The following SH3PXD2A variants were observed in gnomAD, a reference collection of about 807,000 sequenced individuals.
SH3PXD2A encodes SH3 and PX domain-containing protein 2A.
In SH3PXD2A, 32 loss-of-function variants were observed where a neutral mutation model predicts 115.2. The ratio of observed to expected loss-of-function variants is 0.28; its 90% CI spans 0.21 to 0.37. The LOEUF is 0.37. Ranked by LOEUF, SH3PXD2A falls within the 10% of genes least tolerant of loss-of-function variation. The pLI is 1.00. For missense variants in SH3PXD2A, 1,328 were observed against 1,498.7 expected, an observed-to-expected ratio of 0.89 and a Z score of 1.88; for synonymous variants, 610 against 629.1, an observed-to-expected ratio of 0.97 and a Z score of 0.45.
chr10:103,818,113 G>A (rs931465968), intron 1 of SH3PXD2A, among the ~76,000 whole-genome samples: 3 of 152,152 alleles, frequency 2.0e-5, no homozygotes, highest in Non-Finnish European at 2.9e-5. Context: ...AAGTTAGAAG[G>A]GAGACAATGT....
intron 1 of SH3PXD2A, among the ~76,000 whole-genome samples, chr10:103,839,320 A>T (rs2039574619): frequency 6.6e-6 from 1 of 152,148 alleles, no homozygotes; most frequent in African/African-American, 2.4e-5. Context: ...AGGTCAGGAG[A>T]ACAGCAATTG....
At chr10:103,730,850 C>A (rs867077457) in intron 4 of SH3PXD2A, among the ~76,000 whole-genome samples, 27 of 152,184 alleles carry the variant, frequency 1.8e-4, no homozygotes, top group African/African-American at 6.0e-4. Flanking sequence ...TGCACAGAGT[C>A]GGGGTGGGCG....
chr10:103,709,839 C>T (rs1482252457), intron 5 of SH3PXD2A, among the ~76,000 whole-genome samples: 3 of 152,228 alleles, frequency 2.0e-5, no homozygotes, highest in Non-Finnish European at 2.9e-5. Flanking sequence ...GGCAAGGTGG[C>T]TCATGCCTAT....
intron 5 of SH3PXD2A, among the ~76,000 whole-genome samples, chr10:103,695,089 G>C (rs756730817): frequency 2.0e-5 from 3 of 152,182 alleles, no homozygotes; most frequent in Admixed American, 6.5e-5. Context: ...GAGGGCTACT[G>C]GGGAAGGGCA....
intron 13 of SH3PXD2A, among the ~76,000 whole-genome samples, chr10:103,608,430 GAAAA>G (rs953168200): frequency 7.0e-5 from 6 of 85,328 alleles, no homozygotes; most frequent in Admixed American, 3.7e-4. Context: ...TCCATGTCAA[GAAAA>G]AAAAAAAAAA....
At chr10:103,777,300 T>C (rs1430087623) in intron 2 of SH3PXD2A, among the ~76,000 whole-genome samples, 1 of 152,230 alleles carries the variant, frequency 6.6e-6, no homozygotes, top group African/African-American at 2.4e-5. Context: ...GGAAAGTGCT[T>C]AGGAAACTAC....
chr10:103,792,924 G>C (rs987044703), intron 2 of SH3PXD2A, among the ~76,000 whole-genome samples: 5 of 152,122 alleles, frequency 3.3e-5, no homozygotes, highest in Non-Finnish European at 7.3e-5. Flanking sequence ...TGATGGTCCA[G>C]GAAATATGAG....
At chr10:103,646,429 C>G (rs2037037284) in intron 8 of SH3PXD2A, among the ~76,000 whole-genome samples, 1 of 152,188 alleles carries the variant, frequency 6.6e-6, no homozygotes, top group Non-Finnish European at 1.5e-5. Flanking sequence ...GTTTCTCATT[C>G]TAGAGACTCG....
In SH3PXD2A at chr10:103,599,998, G is replaced by A. The variant is rs981820022; in HGVS notation, c.*1818C>T. On this transcript the variant is annotated 3_prime_UTR_variant, in exon 15 of 15. Coordinates refer to ENST00000369774, the MANE Select transcript of SH3PXD2A (RefSeq NM_001394015.1). ...AAGGCCTCTGGGATGGGGTGTGGTG[G>A]GGTAGGGTAGGGGTGGGGGTGGGTT... The A allele has an allele frequency of 1.3e-5, 2 of 152,162 alleles. No homozygotes were observed. Among genetic ancestry groups the A allele is most frequent in the Non-Finnish European group, 2.9e-5 (2 of 68,058 alleles). The allele number at this position is 152,162 out of a possible 1,614,324, so 9.4% of individuals were successfully genotyped here. A position where few individuals can be genotyped will look rare whatever the true frequency, so the allele number is the denominator to read the frequency against.
Position 103,616,915 on chromosome 10 carries a change from C to T in SH3PXD2A, c.920+282G>A, listed in dbSNP as rs367681996. On this transcript the variant is annotated intron_variant, in intron 11 of 14. Coordinates refer to ENST00000369774, the MANE Select transcript of SH3PXD2A (RefSeq NM_001394015.1). Reference sequence around the variant, plus strand: ...ATGTGCTGAGCTCTCTTGGCAGATACGTGGGAAGGGATTGCACCACAGCCT... The same window carrying T: ...ATGTGCTGAGCTCTCTTGGCAGATATGTGGGAAGGGATTGCACCACAGCCT... Among the ~76,000 whole-genome samples the T allele has an allele frequency of 9.8e-5, 15 of 152,394 alleles. No individual in the cohort carries two copies. The East Asian group carries it at 1.7e-3, about 18-fold the overall frequency.
rs1314886335 is a variant in SH3PXD2A at position 103,695,867 on chromosome 10, C to T, written c.399-2811G>A. Reference sequence around the variant, plus strand: ...CAGCCAGAGTTCAGAGTCCTCCCCACCGAGGACTTCCGGGTCCCTCCCTGC... The same window carrying T: ...CAGCCAGAGTTCAGAGTCCTCCCCATCGAGGACTTCCGGGTCCCTCCCTGC... On this transcript the variant is annotated intron_variant, in intron 5 of 14. Transcript: ENST00000369774. Among the ~76,000 whole-genome samples, 10 of 152,352 alleles carry T rather than the reference C, an allele frequency of 6.6e-5. No homozygotes were observed. The East Asian group carries it at 1.9e-3, about 29-fold the overall frequency.
chr10:103,765,236 C>G (rs1435668877), intron 3 of SH3PXD2A, among the ~76,000 whole-genome samples: 1 of 152,146 alleles, frequency 6.6e-6, no homozygotes, highest in Non-Finnish European at 1.5e-5. Flanking sequence ...AGTACACAAG[C>G]CTTTGCCCTG....
At chr10:103,744,737 G>A (rs1000317744) in intron 3 of SH3PXD2A, among the ~76,000 whole-genome samples, 2 of 152,204 alleles carry the variant, frequency 1.3e-5, no homozygotes, top group Non-Finnish European at 1.5e-5. Context: ...GTGGGCACAT[G>A]CAGGTTCCGG....
At chr10:103,686,361 G>A (rs1055189783) in intron 6 of SH3PXD2A, among the ~76,000 whole-genome samples, 2 of 152,190 alleles carry the variant, frequency 1.3e-5, no homozygotes, top group East Asian at 3.9e-4. Flanking sequence ...CCCTAGTGGC[G>A]CATCTCAGAA....
intron 2 of SH3PXD2A, among the ~76,000 whole-genome samples, chr10:103,778,796 G>A (rs543508421): frequency 3.9e-5 from 6 of 152,308 alleles, no homozygotes; most frequent in African/African-American, 1.4e-4. Flanking sequence ...TCCAACAGCT[G>A]TAAGGCCTTT....
At chr10:103,702,686 C>A (rs968720775) in intron 5 of SH3PXD2A, among the ~76,000 whole-genome samples, 1 of 151,560 alleles carries the variant, frequency 6.6e-6, no homozygotes, top group Non-Finnish European at 1.5e-5. Context: ...CTGGACTGAG[C>A]CCCAGAGGAA....
intron 6 of SH3PXD2A, among the ~76,000 whole-genome samples, chr10:103,674,425 A>AGAGGACC (rs2037501729): frequency 2.0e-5 from 3 of 152,248 alleles, no homozygotes; most frequent in African/African-American, 7.2e-5. Flanking sequence ...ACAGGTTGTC[A>AGAGGACC]TGCTCAGAGC....
intron 3 of SH3PXD2A, among the ~76,000 whole-genome samples, chr10:103,745,441 G>A (rs1429563374): frequency 2.6e-5 from 4 of 152,204 alleles, no homozygotes; most frequent in African/African-American, 7.2e-5. Flanking sequence ...TAACCTATTC[G>A]AATGCTAGTT....
chr10:103,690,498 G>C (rs12572907), intron 6 of SH3PXD2A, among the ~76,000 whole-genome samples: 17,250 of 152,180 alleles, frequency 0.11, 1,173 homozygotes, highest in South Asian at 0.21. Flanking sequence ...TGAGTCCAAA[G>C]GCAGCTGCTG....
Sources: allele counts gnomAD v4.1 joint callset (sites outside exome capture counted in the v4.1 genomes callset), GRCh38; gene constraint gnomAD v4.1.1; transcripts MANE v1.5; gene names NCBI Gene and HGNC (gene_info 2026-07-23, HGNC 2026-07-21).